Variants in MEP1B observed in about 807,000 individuals in gnomAD.
The protein encoded by MEP1B is N-benzoyl-L-tyrosyl-P-amino-benzoic acid hydrolase subunit beta.
Under a neutral mutation model 84.6 loss-of-function variants are expected in MEP1B, and 80 were observed. The observed-to-expected ratio is 0.95, with a 90% CI of 0.79 to 1.14. MEP1B has a LOEUF of 1.14. MEP1B is among the 50% of genes most tolerant of loss of function. The probability of loss-of-function intolerance (pLI) is 0.00; values close to 1 mark genes in which losing one functional copy is unlikely to be tolerated. For missense variants in MEP1B, 766 were observed against 855.1 expected, an observed-to-expected ratio of 0.90 and a Z score of 1.30; for synonymous variants, 273 against 288.1, an observed-to-expected ratio of 0.95 and a Z score of 0.53.
chr18:32,210,416 G>A (rs1372995449), intron 9 of MEP1B, 85 bp from the exon 10 acceptor site: 2 of 1,168,936 alleles, frequency 1.7e-6, no homozygotes, highest in South Asian at 1.5e-5. Context: ...TATGCCTCGC[G>A]TAAAGAATCT....
In MEP1B at chr18:32,213,310, C is replaced by T. The variant is rs1376633230; in HGVS notation, c.1330C>T (p.Pro444Ser). 1 of 1,613,894 alleles carries T rather than the reference C, an allele frequency of 6.2e-7. No homozygotes were observed. The highest frequency in any genetic ancestry group is 8.5e-7 in the Non-Finnish European group (1 of 1,179,846). The change falls in exon 11 of 15, where the codon CCA becomes TCA. Residue 444 changes from proline (P) to serine (S), a missense_variant. Coordinates refer to ENST00000269202, the MANE Select transcript of MEP1B (RefSeq NM_005925.3). ...GAATTTCACACAGTTCATTGGCAGC[C>T]CAAATGGAACTCTGTATAGCCCTCC... ...IRNFTQFIGS[P>S]NGTLYSPPFY...
At chr18:32,208,411 C>G in intron 9 of MEP1B, 140 bp downstream of exon 9, 1 of 840,314 alleles carries the variant, frequency 1.2e-6, no homozygotes, top group Non-Finnish European at 1.7e-6. Flanking sequence ...AGAAGTAGGC[C>G]TTGCACCTGA....
intron 7 of MEP1B, among the ~76,000 whole-genome samples, chr18:32,205,394 A>G (rs1167067708): frequency 6.6e-6 from 1 of 152,218 alleles, no homozygotes; most frequent in African/African-American, 2.4e-5. Flanking sequence ...AGGAAAGGGC[A>G]TTGCTATTAT....
Position 32,191,779 on chromosome 18 carries a change from G to A in MEP1B, c.64-43G>A, listed in dbSNP as rs1287039925. On this transcript the variant is annotated intron_variant, in intron 1 of 14. Transcript: ENST00000269202. ...AACTGAATCCAAGAAGACCATTCCT[G>A]GGCATTATAATAATATGTTTTGTTT... The A allele has an allele frequency of 3.7e-6, 5 of 1,356,350 alleles. No individual in the cohort carries two copies. The South Asian group carries it at 5.1e-5, about 14-fold the overall frequency. The allele number at this position is 1,356,350 out of a possible 1,614,324, so 84.0% of individuals were successfully genotyped here.
At position 32,204,330 on chromosome 18, in the gene MEP1B, G is replaced by C; in HGVS notation, c.517G>C (p.Val173Leu). The C allele has an allele frequency of 1.3e-6, 2 of 1,599,780 alleles. No individual in the cohort carries two copies. The highest frequency in any genetic ancestry group is 1.7e-6 in the Non-Finnish European group (2 of 1,173,328). The change falls in exon 7 of 15, where the codon GTC (valine) becomes CTC (leucine). Residue 173 changes from valine (V) to leucine (L), a missense_variant. Transcript: ENST00000269202. ...EQSRSDRDDY[V>L]RIMWDRILSG... ...GTCGCGTTCTGACCGGGATGACTAT[G>C]TCAGGATAATGTGGGACAGAATTCT...
At position 32,207,362 on chromosome 18, in the gene MEP1B, AC is replaced by A; in HGVS notation, c.659del (p.Thr220LysfsTer15). The A allele has an allele frequency of 6.2e-7, 1 of 1,613,314 alleles. No individual in the cohort carries two copies. The highest frequency in any genetic ancestry group is 1.7e-5 in the Admixed American group (1 of 59,956). On this transcript the variant is annotated frameshift_variant, in exon 8 of 15. Coordinates refer to ENST00000269202, the MANE Select transcript of MEP1B (RefSeq NM_005925.3). LOFTEE classifies it high-confidence loss of function. Reference protein sequence around the residue: ...HYSKTAFQNGTEPTIVTRISD... With the variant: ...HYSKTAFQNGXEPTIVTRISD... ...CAGTAAAACTGCATTCCAAAATGGA[AC>A]AGAGCCGACAATTGTCACAAGAATC... is the stretch of plus-strand genomic sequence containing the variant.
At chr18:32,190,773 T>C (rs2040794588) in intron 1 of MEP1B, among the ~76,000 whole-genome samples, 1 of 152,110 alleles carries the variant, frequency 6.6e-6, no homozygotes, top group Non-Finnish European at 1.5e-5. Context: ...GAATAAATCC[T>C]TGATAATTTT....
At chr18:32,204,797 T>C (rs1438906636) in intron 7 of MEP1B, among the ~76,000 whole-genome samples, 1 of 152,202 alleles carries the variant, frequency 6.6e-6, no homozygotes, top group Non-Finnish European at 1.5e-5. Context: ...GCCTTCTTGC[T>C]GTGTCACATA....
rs1411122519 is a variant in MEP1B at position 32,204,472 on chromosome 18, A to T, written c.547+112A>T. ...ATAATTTTAAAACTTTGATGTTTTG[A>T]TGTCTTAATTCATTCAGCTTGAACT... On this transcript the variant is annotated intron_variant, in intron 7 of 14. Coordinates refer to ENST00000269202, the MANE Select transcript of MEP1B (RefSeq NM_005925.3). The T allele has an allele frequency of 9.7e-6, 9 of 925,388 alleles. 1 individual carries two copies. The highest frequency in any genetic ancestry group is 1.7e-5 in the African/African-American group (1 of 59,924). 57.3% of individuals were successfully genotyped at this position (925,388 alleles called of 1,614,324 possible). A position where few individuals can be genotyped will look rare whatever the true frequency, so the allele number is the denominator to read the frequency against.
intron 10 of MEP1B, among the ~76,000 whole-genome samples, chr18:32,211,565 T>C (rs1406419644): frequency 1.3e-5 from 2 of 152,180 alleles, no homozygotes; most frequent in Non-Finnish European, 2.9e-5. Flanking sequence ...ACTCTTCCTC[T>C]AATATAAAGC....
intron 1 of MEP1B, 77 bp downstream of exon 1, chr18:32,190,210 T>C: frequency 1.9e-6 from 2 of 1,076,092 alleles, no homozygotes; most frequent in Non-Finnish European, 2.7e-6. Context: ...CAAGTGTTTT[T>C]TTTTTGTTTG....
chr18:32,217,437 C>G lies in MEP1B; in HGVS notation c.1886+320C>G, dbSNP rs148937952. Reference sequence around the variant, plus strand: ...ATGAAGATACTGACGTTCTGAGGAGCCCTTGGCCAAGATGTGAATCTGGAG... The same window carrying G: ...ATGAAGATACTGACGTTCTGAGGAGGCCTTGGCCAAGATGTGAATCTGGAG... On this transcript the variant is annotated intron_variant, in intron 13 of 14. Transcript: ENST00000269202. Among the ~76,000 whole-genome samples the G allele has an allele frequency of 3.1e-3, 468 of 152,210 alleles. 1 individual carries two copies. The highest frequency in any genetic ancestry group is 0.011 in the African/African-American group (447 of 41,536).
intron 7 of MEP1B, among the ~76,000 whole-genome samples, chr18:32,205,854 G>A (rs1387792533): frequency 6.6e-6 from 1 of 152,042 alleles, no homozygotes; most frequent in Non-Finnish European, 1.5e-5. Flanking sequence ...TACACAACGT[G>A]GAATGACTAA....
Position 32,220,241 on chromosome 18 carries a change from T to C in MEP1B, c.2102T>C (p.Phe701Ser). 6.2e-7 allele frequency: 1 copy of C among 1,608,922 alleles called. No homozygotes were observed. Among genetic ancestry groups the C allele is most frequent in the Middle Eastern group, 1.7e-4 (1 of 6,056 alleles). Residue 701 changes from phenylalanine (F) to serine (S), a missense_variant, in exon 15 of 15, where the codon TTT becomes TCT. Transcript: ENST00000269202. ...TCTTTCCCCTTTTAGCAGCATGCTT[T>C]TTGAAGATTAACTCGACAATATGGC... is the stretch of plus-strand genomic sequence containing the variant. ...PNLTPQNQHAF is the reference protein window; with the variant it reads ...PNLTPQNQHAS
intron 7 of MEP1B, among the ~76,000 whole-genome samples, chr18:32,206,425 CA>C (rs2040965299): frequency 6.8e-6 from 1 of 147,590 alleles, no homozygotes. Context: ...ACTGGTTCAA[CA>C]ACACTTTTTT....
intron 13 of MEP1B, 125 bp downstream of exon 13, chr18:32,217,242 T>C (rs748201602): frequency 3.6e-5 from 42 of 1,164,798 alleles, no homozygotes; most frequent in Non-Finnish European, 4.3e-5. Context: ...CAGCCATTCA[T>C]AGAATTTTTT....
chr18:32,215,940 T>A (rs2041082666), intron 12 of MEP1B, among the ~76,000 whole-genome samples: 1 of 136,922 alleles, frequency 7.3e-6, no homozygotes, highest in Non-Finnish European at 1.6e-5. Context: ...CTTACCTGTT[T>A]CAAATGTACA....
intron 5 of MEP1B, among the ~76,000 whole-genome samples, chr18:32,200,740 T>A (rs2040903583): frequency 1.3e-5 from 2 of 152,208 alleles, no homozygotes. Context: ...GGAGTAATAC[T>A]CATAGCAGCC....
At chr18:32,203,160 G>T (rs1337299304) in intron 6 of MEP1B, 150 bp downstream of exon 6, 1 of 523,058 alleles carries the variant, frequency 1.9e-6, no homozygotes, top group East Asian at 3.0e-5. Flanking sequence ...ACTGGATCTA[G>T]TTTTTGTAGA....
Sources: gnomAD v4.1 joint callset for allele counts (sites outside exome capture counted in the v4.1 genomes callset) on GRCh38, gnomAD v4.1.1 for gene constraint, MANE v1.5 for transcripts, NCBI Gene and HGNC (gene_info 2026-07-23, HGNC 2026-07-21) for gene names.